The following SLC44A5 variants were observed in gnomAD, a reference collection of about 807,000 sequenced individuals.
The protein encoded by SLC44A5 is solute carrier family 44 member 5, also known as choline transporter-like protein 5.
SLC44A5 carries 57 observed loss-of-function variants against 101.8 expected under a neutral mutation model. That is an observed-to-expected ratio of 0.56 (90% CI 0.45 to 0.70). The LOEUF (loss-of-function observed/expected upper bound fraction) is 0.70. SLC44A5 is among the 30% of genes least tolerant of loss of function. SLC44A5 has a pLI of 0.00. For synonymous variants in SLC44A5, 281 were observed against 290.9 expected (o/e 0.97, Z 0.35); for missense variants, 737 against 853.1 (o/e 0.86, Z 1.70).
chr1:75,704,098 A>G, the SLC44A5 span, among the ~76,000 whole-genome samples: 1 of 152,182 alleles, frequency 6.6e-6, no homozygotes, highest in African/African-American at 2.4e-5. Context: ...TCAATGTGTT[A>G]CACCTGCATA....
chr1:75,454,417 T>C (rs1488018739), intron 2 of SLC44A5, among the ~76,000 whole-genome samples: 1 of 151,976 alleles, frequency 6.6e-6, no homozygotes, highest in Non-Finnish European at 1.5e-5. Flanking sequence ...ATAAGAGCCA[T>C]CTATGAAAAC....
intron 2 of SLC44A5, among the ~76,000 whole-genome samples, chr1:75,477,004 C>A (rs565956579): frequency 6.6e-6 from 1 of 152,336 alleles, no homozygotes; most frequent in South Asian, 2.1e-4. Context: ...AGGCACCCCC[C>A]AGCAGGGGCA....
the SLC44A5 span, among the ~76,000 whole-genome samples, chr1:75,685,217 A>AT: frequency 1.2e-4 from 18 of 150,744 alleles, no homozygotes; most frequent in South Asian, 2.1e-4. Flanking sequence ...CCACAAAACC[A>AT]TTTTTTTTTC....
chr1:75,682,612 G>C, the SLC44A5 span, among the ~76,000 whole-genome samples: 1 of 151,836 alleles, frequency 6.6e-6, no homozygotes, highest in Non-Finnish European at 1.5e-5. Flanking sequence ...ATTCAAGATG[G>C]ATTAGAGACT....
chr1:75,681,393 A>C, the SLC44A5 span, among the ~76,000 whole-genome samples: 1 of 151,832 alleles, frequency 6.6e-6, no homozygotes, highest in Non-Finnish European at 1.5e-5. Context: ...GCAGCACATC[A>C]AAAAGCTTAT....
At position 75,473,120 on chromosome 1, in the gene SLC44A5, C is replaced by G. The variant is rs566045245; in HGVS notation, c.13+68315G>C. ...CAGTTTTAGAATGTCATCGGAACTTCCTGATTGAATTACAATCTAGCATTC... is the reference window on the plus strand; with the variant it reads ...CAGTTTTAGAATGTCATCGGAACTTGCTGATTGAATTACAATCTAGCATTC... On this transcript the variant is annotated intron_variant, in intron 2 of 23. Coordinates refer to ENST00000370859, the MANE Select transcript of SLC44A5 (RefSeq NM_001130058.2). 3.4e-4 allele frequency among the ~76,000 whole-genome samples: 52 copies of G among 152,290 alleles called. No individual in the cohort carries two copies. The South Asian group carries it at 0.01, about 30-fold the overall frequency.
chr1:75,701,682 A>G, the SLC44A5 span, among the ~76,000 whole-genome samples: 1 of 152,194 alleles, frequency 6.6e-6, no homozygotes, highest in African/African-American at 2.4e-5. Context: ...GAAATAAATA[A>G]AGGGCATTCA....
intron 19 of SLC44A5, among the ~76,000 whole-genome samples, chr1:75,215,082 T>C (rs75027457): frequency 2.0e-5 from 3 of 152,280 alleles, no homozygotes; most frequent in Admixed American, 6.5e-5. Context: ...ATTTGATTTA[T>C]TGATGAATAG....
intron 2 of SLC44A5, among the ~76,000 whole-genome samples, chr1:75,512,658 T>C (rs1669629224): frequency 6.6e-6 from 1 of 152,210 alleles, no homozygotes; most frequent in Non-Finnish European, 1.5e-5. Context: ...TTGGATGTAG[T>C]ACTATGAAGC....
At chr1:75,447,617 G>C (rs1477938062) in intron 2 of SLC44A5, among the ~76,000 whole-genome samples, 1 of 152,084 alleles carries the variant, frequency 6.6e-6, no homozygotes, top group Non-Finnish European at 1.5e-5. Flanking sequence ...ATTAAGTGTA[G>C]AGCATGTAAA....
chr1:75,720,640 A>G, the SLC44A5 span, among the ~76,000 whole-genome samples: 2 of 152,230 alleles, frequency 1.3e-5, no homozygotes, highest in African/African-American at 4.8e-5. Context: ...CAAAGAGTCA[A>G]ACTTTGTAAA....
intron 3 of SLC44A5, among the ~76,000 whole-genome samples, chr1:75,345,805 A>C (rs916717421): frequency 1.3e-5 from 2 of 152,154 alleles, no homozygotes; most frequent in East Asian, 3.9e-4. Context: ...CCACCCCCAA[A>C]GTCTTCTAAA....
intron 4 of SLC44A5, chr1:75,311,642 T>C: frequency 1.2e-6 from 1 of 860,356 alleles, no homozygotes; most frequent in Non-Finnish European, 1.4e-6. Context: ...CTGTGGCAGA[T>C]GCTATGAAAC....
chr1:75,459,682 A>G (rs1666389820), intron 2 of SLC44A5, among the ~76,000 whole-genome samples: 1 of 152,238 alleles, frequency 6.6e-6, no homozygotes, highest in Non-Finnish European at 1.5e-5. Flanking sequence ...TTTGAAACCC[A>G]GAATGTCATC....
At chr1:75,533,831 C>T (rs1670854309) in intron 2 of SLC44A5, among the ~76,000 whole-genome samples, 2 of 152,178 alleles carry the variant, frequency 1.3e-5, no homozygotes, top group Admixed American at 6.5e-5. Context: ...CACTTTTTAA[C>T]ATATCATCCT....
intron 2 of SLC44A5, among the ~76,000 whole-genome samples, chr1:75,405,169 C>T (rs887946416): frequency 3.9e-5 from 6 of 152,098 alleles, no homozygotes; most frequent in Admixed American, 1.3e-4. Context: ...TATATGCACC[C>T]AATACAGGAG....
At chr1:75,348,156 CT>C (rs1356101136) in intron 3 of SLC44A5, among the ~76,000 whole-genome samples, 1 of 151,988 alleles carries the variant, frequency 6.6e-6, no homozygotes, top group African/African-American at 2.4e-5. Flanking sequence ...TCTCCTCTCT[CT>C]CTCTTTCTCT....
chr1:75,299,782 G>A (rs1450934337), intron 5 of SLC44A5, among the ~76,000 whole-genome samples: 2 of 151,558 alleles, frequency 1.3e-5, no homozygotes, highest in African/African-American at 2.4e-5. Context: ...AGGCCGAGGG[G>A]GGCAGATCAT....
At chr1:75,589,758 G>C (rs1223408605) in intron 1 of SLC44A5, among the ~76,000 whole-genome samples, 1 of 152,170 alleles carries the variant, frequency 6.6e-6, no homozygotes, top group Admixed American at 6.5e-5. Flanking sequence ...TGCTCGGGGA[G>C]AGAGAACACA....
Sources: allele counts gnomAD v4.1 joint callset (sites outside exome capture counted in the v4.1 genomes callset), GRCh38; gene constraint gnomAD v4.1.1; transcripts MANE v1.5; gene names NCBI Gene and HGNC (gene_info 2026-07-23, HGNC 2026-07-21).